Variants in ATF7IP2 observed in about 807,000 individuals in gnomAD.
ATF7IP2 encodes the protein activating transcription factor 7-interacting protein 2.
Under a neutral mutation model 64.2 loss-of-function variants are expected in ATF7IP2, and 42 were observed. The observed-to-expected ratio is 0.65, with a 90% CI of 0.51 to 0.85. The LOEUF (loss-of-function observed/expected upper bound fraction) is 0.85, where lower values mean the gene tolerates loss of function less well. ATF7IP2 is among the 40% of genes least tolerant of loss of function. The pLI, the probability that ATF7IP2 is intolerant of heterozygous loss-of-function variation, is 0.00. For missense variants in ATF7IP2, 933 were observed against 784.2 expected, an observed-to-expected ratio of 1.19 and a Z score of -2.27; for synonymous variants, 308 against 272.8, an observed-to-expected ratio of 1.13 and a Z score of -1.27.
intron 8 of ATF7IP2, among the ~76,000 whole-genome samples, chr16:10,451,104 G>C (rs533776440): frequency 6.6e-6 from 1 of 152,132 alleles, no homozygotes; most frequent in South Asian, 2.1e-4. Context: ...GAAATTTTGG[G>C]TTGAAAATTC....
At position 10,477,753 on chromosome 16, in the gene ATF7IP2, T is replaced by C. The variant is rs577160031; in HGVS notation, c.1550-3126T>C. Among the ~76,000 whole-genome samples, 167 of 152,252 alleles carry C rather than the reference T, an allele frequency of 1.1e-3. 1 individual carries two copies. Among genetic ancestry groups the C allele is most frequent in the Middle Eastern group, 3.4e-3 (1 of 294 alleles). On this transcript the variant is annotated intron_variant, in intron 12 of 13. Coordinates refer to ENST00000562102, the MANE Select transcript of ATF7IP2 (RefSeq NM_001393719.1). ...ATGATTGTATATCTAGAAAACCCCA[T>C]TGTCTCAGCCCAAAATCTCCTTAAG...
intron 1 of ATF7IP2, among the ~76,000 whole-genome samples, chr16:10,404,334 C>G (rs923403783): frequency 6.6e-6 from 1 of 152,168 alleles, no homozygotes; most frequent in South Asian, 2.1e-4. Flanking sequence ...CTCACTGCAC[C>G]TTCCGCCTCC....
chr16:10,412,016 T>G (rs1426676326), intron 1 of ATF7IP2, among the ~76,000 whole-genome samples: 4 of 143,400 alleles, frequency 2.8e-5, no homozygotes, highest in Non-Finnish European at 4.6e-5. Context: ...TTTTGTTTTT[T>G]TTTTTTTTTT....
rs986449379 is a variant in ATF7IP2, at chr16:10,482,973, C to T, written c.*724C>T. On this transcript the variant is annotated 3_prime_UTR_variant, in exon 14 of 14. Transcript: ENST00000562102. Reference sequence around the variant, plus strand: ...AGGGGATCCACCCGCCTCGGCCTCCCGAAGTGCTGGGATTATAGGCGTAAG... The same window carrying T: ...AGGGGATCCACCCGCCTCGGCCTCCTGAAGTGCTGGGATTATAGGCGTAAG... 4 of 152,232 alleles carry T rather than the reference C, an allele frequency of 2.6e-5. No homozygotes were observed. The highest frequency in any genetic ancestry group is 4.8e-5 in the African/African-American group (2 of 41,448). 9.4% of individuals were successfully genotyped at this position (152,232 alleles called of 1,614,324 possible). A position where few individuals can be genotyped will look rare whatever the true frequency, so the allele number is the denominator to read the frequency against.
At chr16:10,420,305 A>G (rs2047966697) in intron 3 of ATF7IP2, among the ~76,000 whole-genome samples, 1 of 152,030 alleles carries the variant, frequency 6.6e-6, no homozygotes, top group Non-Finnish European at 1.5e-5. Flanking sequence ...AAAATGAGAA[A>G]AGGTATCTAC....
intron 6 of ATF7IP2, among the ~76,000 whole-genome samples, chr16:10,433,983 TCC>T (rs1425688047): frequency 5.3e-5 from 8 of 152,188 alleles, no homozygotes; most frequent in African/African-American, 1.9e-4. Context: ...TATTAAAGAA[TCC>T]AGTCTCTTTT....
chr16:10,392,017 G>C (rs1290883338), intron 1 of ATF7IP2, among the ~76,000 whole-genome samples: 2 of 149,526 alleles, frequency 1.3e-5, no homozygotes, highest in East Asian at 3.9e-4. Flanking sequence ...AGGTAAAATT[G>C]ACACCAAAAG....
intron 8 of ATF7IP2, among the ~76,000 whole-genome samples, chr16:10,452,996 C>T (rs2049037839): frequency 6.6e-6 from 1 of 152,146 alleles, no homozygotes; most frequent in African/African-American, 2.4e-5. Flanking sequence ...GAATTTCAAG[C>T]CAGTGGATCT....
chr16:10,458,432 A>G (rs2049255875), intron 9 of ATF7IP2, among the ~76,000 whole-genome samples: 1 of 152,216 alleles, frequency 6.6e-6, no homozygotes, highest in Non-Finnish European at 1.5e-5. Flanking sequence ...CACTTCATAG[A>G]AAAATATATC....
In ATF7IP2 at chr16:10,430,613, T is replaced by A. The variant is rs1384143188; in HGVS notation, c.-8T>A. ...AAATATGATGTCTTAAATTCCAGGA[T>A]ATGAAAGATGGCAAGTCCAGATAGA... On this transcript the variant is annotated splice_region_variant and 5_prime_UTR_variant, in exon 5 of 14. Transcript: ENST00000562102. 6.3e-7 allele frequency: 1 copy of A among 1,587,858 alleles called. No homozygotes were observed. Among genetic ancestry groups the A allele is most frequent in the East Asian group, 2.2e-5 (1 of 44,486 alleles).
chr16:10,445,337 A>G (rs1223196415), intron 8 of ATF7IP2: 1 of 152,138 alleles, frequency 6.6e-6, no homozygotes, highest in Non-Finnish European at 1.5e-5. Context: ...GGACTGTGGT[A>G]GGGGGAGGAA....
chr16:10,411,515 C>T (rs977874290), intron 1 of ATF7IP2, among the ~76,000 whole-genome samples: 32 of 151,900 alleles, frequency 2.1e-4, no homozygotes, highest in African/African-American at 6.3e-4. Context: ...GGATTACAGG[C>T]GTGTGCCACC....
intron 12 of ATF7IP2, among the ~76,000 whole-genome samples, chr16:10,477,938 A>G (rs1394743739): frequency 7.1e-6 from 1 of 140,856 alleles, no homozygotes; most frequent in Non-Finnish European, 1.6e-5. Flanking sequence ...TAGGAATCCA[A>G]CTTACAAGGG....
At chr16:10,435,886 A>G (rs1164534097) in intron 6 of ATF7IP2, among the ~76,000 whole-genome samples, 2 of 152,152 alleles carry the variant, frequency 1.3e-5, no homozygotes, top group African/African-American at 4.8e-5. Flanking sequence ...CTCACCAAGG[A>G]TGAGGAACAC....
chr16:10,422,478 G>A (rs905077307), intron 3 of ATF7IP2, among the ~76,000 whole-genome samples: 2 of 152,116 alleles, frequency 1.3e-5, no homozygotes, highest in African/African-American at 4.8e-5. Flanking sequence ...AAATTTATAG[G>A]TATAGAAGTT....
intron 9 of ATF7IP2, among the ~76,000 whole-genome samples, chr16:10,462,931 A>G (rs2049423404): frequency 6.6e-6 from 1 of 152,044 alleles, no homozygotes; most frequent in Non-Finnish European, 1.5e-5. Context: ...CCTTTCTTTT[A>G]TTGGATCCAA....
chr16:10,471,554 A>G (rs1417687940), intron 9 of ATF7IP2, among the ~76,000 whole-genome samples: 2 of 152,118 alleles, frequency 1.3e-5, no homozygotes, highest in Non-Finnish European at 2.9e-5. Context: ...CGCTCATAAA[A>G]AAAAAGGGTC....
chr16:10,440,712 T>C (rs979972770), intron 8 of ATF7IP2, among the ~76,000 whole-genome samples: 1 of 152,232 alleles, frequency 6.6e-6, no homozygotes, highest in African/African-American at 2.4e-5. Flanking sequence ...ACCCCCATTT[T>C]ATCATGAAAA....
chr16:10,455,812 T>TA (rs1038558755), intron 8 of ATF7IP2, among the ~76,000 whole-genome samples: 1 of 152,096 alleles, frequency 6.6e-6, no homozygotes, highest in Non-Finnish European at 1.5e-5. Context: ...TTAAAAGCAT[T>TA]GTTGGTGAGG....
Sources: allele counts gnomAD v4.1 joint callset (sites outside exome capture counted in the v4.1 genomes callset), GRCh38; gene constraint gnomAD v4.1.1; transcripts MANE v1.5; gene names NCBI Gene and HGNC (gene_info 2026-07-23, HGNC 2026-07-21).